The following CSMD1 variants were observed in gnomAD, a reference collection of about 807,000 sequenced individuals.
CSMD1 encodes CUB and sushi domain-containing protein 1.
Under a neutral mutation model 417.5 loss-of-function variants are expected in CSMD1, and 213 were observed. That is an observed-to-expected ratio of 0.51 (90% CI 0.46 to 0.57). CSMD1 has a LOEUF of 0.57. Among genes scored for constraint, CSMD1 ranks in the 20% least tolerant of loss-of-function variants. The probability of loss-of-function intolerance (pLI) is 0.00; values close to 1 mark genes in which losing one functional copy is unlikely to be tolerated. For missense variants in CSMD1, 6,923 were observed against 4,529.7 expected, an observed-to-expected ratio of 1.53 and a Z score of -15.17; for synonymous variants, 2,862 against 1,736.8, an observed-to-expected ratio of 1.65 and a Z score of -16.11.
intron 3 of CSMD1, among the ~76,000 whole-genome samples, chr8:4,398,534 C>T (rs1294184286): frequency 6.6e-6 from 1 of 151,770 alleles, no homozygotes; most frequent in Admixed American, 6.6e-5. Context: ...GGTGGGACTA[C>T]AGGCGCCCGC....
chr8:3,361,971 T>G (rs1199726315), intron 20 of CSMD1, among the ~76,000 whole-genome samples: 1 of 152,182 alleles, frequency 6.6e-6, no homozygotes, highest in East Asian at 1.9e-4. Flanking sequence ...TTGCAAGGTG[T>G]GCATGTTCAT....
chr8:3,619,834 G>C (rs1005377286), intron 7 of CSMD1, among the ~76,000 whole-genome samples: 2 of 152,196 alleles, frequency 1.3e-5, no homozygotes, highest in South Asian at 2.1e-4. Context: ...ATATTCAATA[G>C]AATTTGTATT....
intron 23 of CSMD1, among the ~76,000 whole-genome samples, chr8:3,315,460 G>T (rs11136607): frequency 4.0e-4 from 61 of 151,570 alleles, no homozygotes; most frequent in South Asian, 1.2e-3. Flanking sequence ...GTGTGTGTGT[G>T]TGATTTTTAA....
intron 3 of CSMD1, among the ~76,000 whole-genome samples, chr8:4,118,457 A>T (rs1802287798): frequency 7.0e-6 from 1 of 142,124 alleles, no homozygotes; most frequent in East Asian, 2.1e-4. Context: ...TTCTCAAAAG[A>T]AGACATTTAT....
At chr8:3,652,623 C>T (rs1333130991) in intron 7 of CSMD1, among the ~76,000 whole-genome samples, 1 of 152,156 alleles carries the variant, frequency 6.6e-6, no homozygotes, top group Non-Finnish European at 1.5e-5. Flanking sequence ...CGCAAGGGAG[C>T]TCCCATTTAT....
At chr8:3,444,359 T>C (rs555118507) in intron 12 of CSMD1, among the ~76,000 whole-genome samples, 1 of 152,176 alleles carries the variant, frequency 6.6e-6, no homozygotes, top group Non-Finnish European at 1.5e-5. Context: ...AATTTTAGCA[T>C]CAACAAAGAT....
intron 3 of CSMD1, among the ~76,000 whole-genome samples, chr8:4,115,344 T>C (rs1802077415): frequency 6.6e-6 from 1 of 152,212 alleles, no homozygotes; most frequent in African/African-American, 2.4e-5. Flanking sequence ...TTAGACATAA[T>C]ACTGTTGCAT....
chr8:3,932,200 T>G (rs1810198865), intron 5 of CSMD1, among the ~76,000 whole-genome samples: 1 of 150,408 alleles, frequency 6.6e-6, no homozygotes, highest in Non-Finnish European at 1.5e-5. Flanking sequence ...TCATCGATAC[T>G]TTGGTCCCAT....
At chr8:4,003,771 T>G (rs1245896027) in intron 4 of CSMD1, among the ~76,000 whole-genome samples, 4 of 152,160 alleles carry the variant, frequency 2.6e-5, no homozygotes, top group African/African-American at 9.7e-5. Flanking sequence ...CGCCGGCAAA[T>G]TACTCAACTT....
At chr8:4,489,150 G>A (rs1284352806) in intron 2 of CSMD1, among the ~76,000 whole-genome samples, 1 of 152,170 alleles carries the variant, frequency 6.6e-6, no homozygotes, top group Non-Finnish European at 1.5e-5. Flanking sequence ...GACCTCAGGT[G>A]ATCTACCTGC....
At chr8:3,622,702 G>A (rs1286168202) in intron 7 of CSMD1, among the ~76,000 whole-genome samples, 1 of 152,204 alleles carries the variant, frequency 6.6e-6, no homozygotes, top group Non-Finnish European at 1.5e-5. Context: ...GAAACAGAGG[G>A]AGTTGTTTCG....
chr8:4,933,660 T>C (rs563312025), intron 1 of CSMD1, among the ~76,000 whole-genome samples: 4 of 152,134 alleles, frequency 2.6e-5, no homozygotes, highest in South Asian at 2.1e-4. Flanking sequence ...AATAAATGGA[T>C]AGATGAAAGG....
At position 4,739,972 on chromosome 8, in the gene CSMD1, A is replaced by G. The variant is rs535106492; in HGVS notation, c.86-102414T>C. Among the ~76,000 whole-genome samples the G allele has an allele frequency of 8.1e-4, 124 of 152,202 alleles. 1 individual carries two copies. Among genetic ancestry groups the G allele is most frequent in the African/African-American group, 2.9e-3 (122 of 41,526 alleles). Reference sequence around the variant, plus strand: ...ATAGTCTGAGCTAGGGAAATAGCTGACTGGCCAGCCGCCTGCCCAGGCATC... The same window carrying G: ...ATAGTCTGAGCTAGGGAAATAGCTGGCTGGCCAGCCGCCTGCCCAGGCATC... On this transcript the variant is annotated intron_variant, in intron 1 of 69. Transcript: ENST00000635120.
At chr8:4,367,945 C>T (rs1802180214) in intron 3 of CSMD1, among the ~76,000 whole-genome samples, 1 of 152,048 alleles carries the variant, frequency 6.6e-6, no homozygotes, top group African/African-American at 2.4e-5. Context: ...TTCTAGAAGC[C>T]TTCTGGCAGG....
chr8:4,622,580 C>T (rs1035233546), intron 2 of CSMD1, among the ~76,000 whole-genome samples: 3 of 152,076 alleles, frequency 2.0e-5, no homozygotes, highest in Non-Finnish European at 4.4e-5. Context: ...GCAAACGCGA[C>T]ATGTGTACAA....
At chr8:3,746,574 C>T (rs1021610493) in intron 6 of CSMD1, among the ~76,000 whole-genome samples, 1 of 152,114 alleles carries the variant, frequency 6.6e-6, no homozygotes, top group Non-Finnish European at 1.5e-5. Flanking sequence ...TTCATGTATT[C>T]CATTAGTCTG....
chr8:4,078,684 T>A (rs1345128751), intron 3 of CSMD1, among the ~76,000 whole-genome samples: 2 of 151,314 alleles, frequency 1.3e-5, no homozygotes, highest in Non-Finnish European at 2.9e-5. Flanking sequence ...GCTGTATTCT[T>A]GCTAATAAAT....
At chr8:3,864,551 T>G (rs1353575981) in intron 5 of CSMD1, among the ~76,000 whole-genome samples, 1 of 152,178 alleles carries the variant, frequency 6.6e-6, no homozygotes, top group Non-Finnish European at 1.5e-5. Flanking sequence ...ATGTGCCATG[T>G]TGGTGTACTG....
intron 1 of CSMD1, among the ~76,000 whole-genome samples, chr8:4,691,580 C>A (rs1806772979): frequency 6.6e-6 from 1 of 152,136 alleles, no homozygotes; most frequent in Non-Finnish European, 1.5e-5. Context: ...TGGGAAATGG[C>A]CACACTTCTC....
Sources: gnomAD v4.1 joint callset for allele counts (sites outside exome capture counted in the v4.1 genomes callset) on GRCh38, gnomAD v4.1.1 for gene constraint, MANE v1.5 for transcripts, NCBI Gene and HGNC (gene_info 2026-07-23, HGNC 2026-07-21) for gene names.